Variants in FGF12 observed in about 807,000 individuals in gnomAD.
The protein encoded by FGF12 is fibroblast growth factor 12, also known as fibroblast growth factor 12B.
Under a neutral mutation model 23.6 loss-of-function variants are expected in FGF12, and 14 were observed. That is an observed-to-expected ratio of 0.59 (90% CI 0.39 to 0.93). The LOEUF is 0.93. Ranked by LOEUF, FGF12 falls within the 40% of genes least tolerant of loss-of-function variation. The pLI is 0.00. For synonymous variants in FGF12, 62 were observed against 77.3 expected, an observed-to-expected ratio of 0.80 and a Z score of 1.04; for missense variants, 175 against 217.8, an observed-to-expected ratio of 0.80 and a Z score of 1.24.
At chr3:192,262,679 C>A (rs1223532727) in intron 4 of FGF12, among the ~76,000 whole-genome samples, 1 of 152,126 alleles carries the variant, frequency 6.6e-6, no homozygotes. Flanking sequence ...TAGGCTCTCA[C>A]ATCTAGGTTT....
At chr3:192,501,085 T>C (rs1724121159) in intron 2 of FGF12, among the ~76,000 whole-genome samples, 2 of 152,168 alleles carry the variant, frequency 1.3e-5, no homozygotes, top group Non-Finnish European at 2.9e-5. Flanking sequence ...TGCAGAGAGA[T>C]AAGTAAAGTT....
intron 2 of FGF12, among the ~76,000 whole-genome samples, chr3:192,479,485 TTATC>T (rs1161644602): frequency 6.6e-6 from 1 of 152,110 alleles, no homozygotes; most frequent in African/African-American, 2.4e-5. Flanking sequence ...ACCTTAAGCA[TTATC>T]TATTTTCTCT....
At chr3:192,451,422 T>C (rs1722515546) in intron 2 of FGF12, among the ~76,000 whole-genome samples, 1 of 152,176 alleles carries the variant, frequency 6.6e-6, no homozygotes, top group African/African-American at 2.4e-5. Flanking sequence ...AGGAAAATTG[T>C]AAAAGGCTTG....
intron 4 of FGF12, among the ~76,000 whole-genome samples, chr3:192,204,716 T>A (rs1717552599): frequency 6.6e-6 from 1 of 151,946 alleles, no homozygotes; most frequent in Non-Finnish European, 1.5e-5. Flanking sequence ...CAAAACCCCA[T>A]CTCTACCAAA....
intron 2 of FGF12, among the ~76,000 whole-genome samples, chr3:192,578,025 G>C (rs777735717): frequency 6.6e-6 from 1 of 152,076 alleles, no homozygotes; most frequent in Non-Finnish European, 1.5e-5. Context: ...TATGGTTGGC[G>C]GGGGGCAGGG....
intron 5 of FGF12, among the ~76,000 whole-genome samples, chr3:192,154,643 G>A (rs1222687048): frequency 9.4e-5 from 14 of 148,794 alleles, no homozygotes; most frequent in Admixed American, 6.7e-5. Context: ...AGGGGTCAGG[G>A]ACCCACTTGA....
intron 2 of FGF12, among the ~76,000 whole-genome samples, chr3:192,626,069 C>T (rs1396835508): frequency 6.6e-6 from 1 of 152,162 alleles, no homozygotes. Context: ...ATAAAGTCTA[C>T]AAAATTTTCT....
At chr3:192,416,845 G>A in intron 2 of FGF12, among the ~76,000 whole-genome samples, 1 of 152,118 alleles carries the variant, frequency 6.6e-6, no homozygotes, top group East Asian at 1.9e-4. Context: ...GAAGTCTACA[G>A]CCAAAACAGA....
intron 2 of FGF12, among the ~76,000 whole-genome samples, chr3:192,377,918 T>C (rs1160206919): frequency 2.0e-5 from 3 of 152,202 alleles, no homozygotes; most frequent in African/African-American, 4.8e-5. Context: ...CTGTTCTTAT[T>C]ACCACTCCTT....
intron 2 of FGF12, among the ~76,000 whole-genome samples, chr3:192,676,328 G>T (rs1458362025): frequency 6.6e-6 from 1 of 152,172 alleles, no homozygotes; most frequent in Non-Finnish European, 1.5e-5. Context: ...TAGGAGCATA[G>T]AGTTGAATGA....
intron 2 of FGF12, among the ~76,000 whole-genome samples, chr3:192,407,802 C>T (rs1008890169): frequency 6.6e-6 from 1 of 152,202 alleles, no homozygotes; most frequent in African/African-American, 2.4e-5. Context: ...TAATTCTTCT[C>T]CTGGTCAAAC....
chr3:192,354,724 G>A (rs1368628708), intron 3 of FGF12, among the ~76,000 whole-genome samples: 1 of 151,966 alleles, frequency 6.6e-6, no homozygotes, highest in African/African-American at 2.4e-5. Context: ...TTTAGTTTTC[G>A]AGACAGAGTC....
chr3:192,200,281 A>T (rs2108660599), intron 4 of FGF12, among the ~76,000 whole-genome samples: 1 of 152,194 alleles, frequency 6.6e-6, no homozygotes, highest in South Asian at 2.1e-4. Context: ...GTGAGCCGAG[A>T]TTGTGCCACT....
At chr3:192,543,907 C>A (rs62294950) in intron 2 of FGF12, among the ~76,000 whole-genome samples, 1,598 of 152,300 alleles carry the variant, frequency 0.01, 14 homozygotes, top group Non-Finnish European at 0.014. Flanking sequence ...GTCCTCTTTA[C>A]TCTTCCCTAT....
In FGF12 at chr3:192,208,990, T is replaced by C. The variant is rs57905243; in HGVS notation, c.229-38334A>G. Among the ~76,000 whole-genome samples, 573 of 152,350 alleles carry C rather than the reference T, an allele frequency of 3.8e-3. 5 individuals carry two copies. The highest frequency in any genetic ancestry group is 0.013 in the African/African-American group (534 of 41,580). On this transcript the variant is annotated intron_variant, in intron 4 of 5. Transcript: ENST00000445105. ...CTGACAACTGTCTTTCAGTATTCAT[T>C]CTTTTCTAATGTGTTTGATAACAAC...
chr3:192,716,003 C>G (rs895456549), intron 2 of FGF12, among the ~76,000 whole-genome samples: 3 of 152,238 alleles, frequency 2.0e-5, no homozygotes, highest in Admixed American at 1.3e-4. Context: ...ATCCCTTATT[C>G]TGATATTTCT....
At chr3:192,441,653 A>G (rs565271680) in intron 2 of FGF12, among the ~76,000 whole-genome samples, 2 of 152,352 alleles carry the variant, frequency 1.3e-5, no homozygotes, top group South Asian at 2.1e-4. Context: ...ACTTAGTTTC[A>G]CCCCTAAGAT....
chr3:192,543,999 A>G (rs1239577137), intron 2 of FGF12, among the ~76,000 whole-genome samples: 2 of 151,966 alleles, frequency 1.3e-5, no homozygotes, highest in Non-Finnish European at 2.9e-5. Flanking sequence ...TAGTGCAAGC[A>G]CTCTCTTTGC....
intron 2 of FGF12, among the ~76,000 whole-genome samples, chr3:192,628,521 G>A (rs900792216): frequency 4.1e-5 from 6 of 147,182 alleles, no homozygotes; most frequent in African/African-American, 1.0e-4. Context: ...GTGTGTGTGT[G>A]TATATATATA....
Sources: gnomAD v4.1 joint callset for allele counts (sites outside exome capture counted in the v4.1 genomes callset) on GRCh38, gnomAD v4.1.1 for gene constraint, MANE v1.5 for transcripts, NCBI Gene and HGNC (gene_info 2026-07-23, HGNC 2026-07-21) for gene names.